The following PTPRN2 variants were observed in gnomAD, a reference collection of about 807,000 sequenced individuals.
The protein encoded by PTPRN2 is receptor-type tyrosine-protein phosphatase N2.
Under a neutral mutation model 118.8 loss-of-function variants are expected in PTPRN2, and 74 were observed. That is an observed-to-expected ratio of 0.62 (90% CI 0.52 to 0.76). The LOEUF is 0.76. PTPRN2 is among the 30% of genes least tolerant of loss of function. PTPRN2 has a pLI of 0.00. For synonymous variants in PTPRN2, 641 were observed against 608.0 expected, an observed-to-expected ratio of 1.05 and a Z score of -0.80; for missense variants, 1,481 against 1,394.4, an observed-to-expected ratio of 1.06 and a Z score of -0.99.
rs144855648 is a variant in PTPRN2, at chr7:157,603,436, C to T, written c.2418+566G>A. Among the ~76,000 whole-genome samples, 6 of 152,342 alleles carry T rather than the reference C, an allele frequency of 3.9e-5. No individual in the cohort carries two copies. The East Asian group carries it at 1.2e-3, about 29-fold the overall frequency. ...ACTCACGGCACAGGAGCTGCCACCACACTCGTCCCCAGAAACACAGGACAG... is the reference window on the plus strand; with the variant it reads ...ACTCACGGCACAGGAGCTGCCACCATACTCGTCCCCAGAAACACAGGACAG... On this transcript the variant is annotated intron_variant, in intron 16 of 22. Coordinates refer to ENST00000389418, the MANE Select transcript of PTPRN2 (RefSeq NM_002847.5). This position sits in a 1 kb window ranked among gnomAD's most constrained non-coding sequence, Gnocchi z 5.4.
rs993870860 is a variant in PTPRN2, at chr7:157,944,149, A to G, written c.1724-45412T>C. 5.9e-5 allele frequency among the ~76,000 whole-genome samples: 9 copies of G among 152,224 alleles called. No homozygotes were observed. The highest frequency in any genetic ancestry group is 3.8e-4 in the East Asian group (2 of 5,200). On this transcript the variant is annotated intron_variant, in intron 11 of 22. Transcript: ENST00000389418. The surrounding 1 kb of genome is among the most constrained non-coding windows in gnomAD (Gnocchi z 4.3). ...GACAGGCTCCAGATGCCCGGCCTTC[A>G]TGCAGCAAACACCTTCACAGGGAAG...
chr7:158,346,866 C>G (rs571708048), intron 2 of PTPRN2, among the ~76,000 whole-genome samples: 24 of 152,202 alleles, frequency 1.6e-4, no homozygotes, highest in Non-Finnish European at 2.6e-4. Flanking sequence ...AGTTGAGCAT[C>G]TTTTCACATA....
chr7:158,570,735 G>A lies in PTPRN2; in HGVS notation c.112+16823C>T, dbSNP rs1827979697. 1.3e-5 allele frequency among the ~76,000 whole-genome samples: 2 copies of A among 152,240 alleles called. No individual in the cohort carries two copies. The highest frequency in any genetic ancestry group is 2.9e-5 in the Non-Finnish European group (2 of 68,044). The stretch of plus-strand genomic sequence containing the variant: ...GCCGAGAGCCCGCGGAGAAGCTTGA[G>A]CCTGTGAGCCCCCGTCTCCGACCAC... On this transcript the variant is annotated intron_variant, in intron 1 of 22. Transcript: ENST00000389418. The surrounding 1 kb of genome is among the most constrained non-coding windows in gnomAD (Gnocchi z 4.5).
intron 12 of PTPRN2, among the ~76,000 whole-genome samples, chr7:157,767,279 C>T (rs910399418): frequency 2.0e-5 from 3 of 152,124 alleles, no homozygotes; most frequent in Non-Finnish European, 4.4e-5. Flanking sequence ...TCCTTGGACC[C>T]TACCAATTTA....
intron 12 of PTPRN2, among the ~76,000 whole-genome samples, chr7:157,858,077 A>G (rs10281179): frequency 0.18 from 14,898 of 83,362 alleles, 498 homozygotes; most frequent in East Asian, 0.28. Context: ...TGCAGGGAGA[A>G]CCCCGTCACC....
At chr7:158,069,758 G>A (rs1811064626) in intron 11 of PTPRN2, among the ~76,000 whole-genome samples, 1 of 152,212 alleles carries the variant, frequency 6.6e-6, no homozygotes, top group Non-Finnish European at 1.5e-5. Context: ...CCAGGCATTC[G>A]TGGGATGCCC....
At position 157,540,865 on chromosome 7, in the gene PTPRN2, T is replaced by C. The variant is rs187073194; in HGVS notation, c.2977-80A>G. The C allele has an allele frequency of 3.6e-3, 4,302 of 1,188,966 alleles. 156 individuals carry two copies. In the Admixed American group the frequency reaches 0.069, roughly 19 times the overall value. 73.7% of individuals were successfully genotyped at this position (1,188,966 alleles called of 1,614,324 possible). On this transcript the variant is annotated intron_variant, in intron 22 of 22. Transcript: ENST00000389418. ...TGCCACAGCGTCGGCTCCCTGCAGATGAAAGCGGCGTCCCCCCTTCCCAAC... is the reference window on the plus strand; with the variant it reads ...TGCCACAGCGTCGGCTCCCTGCAGACGAAAGCGGCGTCCCCCCTTCCCAAC...
intron 21 of PTPRN2, among the ~76,000 whole-genome samples, chr7:157,566,528 G>C (rs1191101163): frequency 6.6e-6 from 1 of 152,198 alleles, no homozygotes; most frequent in Non-Finnish European, 1.5e-5. Context: ...CCGGGTCAGG[G>C]AATTTCACAC....
intron 11 of PTPRN2, among the ~76,000 whole-genome samples, chr7:158,049,496 C>T (rs528381175): frequency 2.6e-4 from 40 of 152,328 alleles, no homozygotes; most frequent in Admixed American, 9.8e-4. Flanking sequence ...CTCACTCTTT[C>T]GGACTGACCC....
intron 2 of PTPRN2, among the ~76,000 whole-genome samples, chr7:158,416,163 T>C (rs898366812): frequency 6.6e-6 from 1 of 152,212 alleles, no homozygotes; most frequent in African/African-American, 2.4e-5. Context: ...CTGGGCCCCA[T>C]GCACTGGAGG....
At chr7:157,697,746 A>G in intron 12 of PTPRN2, among the ~76,000 whole-genome samples, 1 of 141,826 alleles carries the variant, frequency 7.1e-6, no homozygotes, top group Admixed American at 7.0e-5. Flanking sequence ...CAGAGCCCTC[A>G]CCGTCTACCC....
At chr7:158,059,746 C>T (rs556473568) in intron 11 of PTPRN2, among the ~76,000 whole-genome samples, 9 of 125,332 alleles carry the variant, frequency 7.2e-5, no homozygotes, top group African/African-American at 2.2e-4. Flanking sequence ...ACTGCAGCCA[C>T]ACTCCATCTG....
intron 11 of PTPRN2, among the ~76,000 whole-genome samples, chr7:158,037,019 A>G (rs951554742): frequency 6.6e-6 from 1 of 152,240 alleles, no homozygotes. Flanking sequence ...TATAACAAAT[A>G]TAAGATTCCT....
At chr7:158,364,908 G>A (rs1809314014) in intron 2 of PTPRN2, among the ~76,000 whole-genome samples, 1 of 152,230 alleles carries the variant, frequency 6.6e-6, no homozygotes, top group Admixed American at 6.5e-5. Context: ...ACCTGAGCAG[G>A]CAGCTAACAG....
intron 1 of PTPRN2, among the ~76,000 whole-genome samples, chr7:158,497,183 T>C (rs1192129150): frequency 3.5e-5 from 1 of 28,382 alleles, no homozygotes; most frequent in East Asian, 1.1e-3. Context: ...CCCTTCCCTG[T>C]ACCCCTTCCC....
chr7:158,103,006 C>A (rs1191923756), intron 10 of PTPRN2, among the ~76,000 whole-genome samples: 1 of 152,190 alleles, frequency 6.6e-6, no homozygotes, highest in Non-Finnish European at 1.5e-5. Context: ...CCATGGGGAA[C>A]CCCTCCTTCT....
chr7:158,336,729 T>C (rs1299187976), intron 2 of PTPRN2, among the ~76,000 whole-genome samples: 43 of 113,672 alleles, frequency 3.8e-4, no homozygotes, highest in African/African-American at 1.3e-3. Flanking sequence ...CCAAAAGAGC[T>C]GACGCCCGCA....
At chr7:158,024,510 G>T (rs958258518) in intron 11 of PTPRN2, among the ~76,000 whole-genome samples, 1 of 152,120 alleles carries the variant, frequency 6.6e-6, no homozygotes, top group Non-Finnish European at 1.5e-5. Flanking sequence ...GGGCACACAG[G>T]GCACCCGTGC....
At chr7:157,905,685 T>C (rs1369043276) in intron 11 of PTPRN2, among the ~76,000 whole-genome samples, 1 of 152,238 alleles carries the variant, frequency 6.6e-6, no homozygotes, top group African/African-American at 2.4e-5. Context: ...GCCTACTCTC[T>C]TTATCCTCGT....
Sources: gnomAD v4.1 joint callset for allele counts (sites outside exome capture counted in the v4.1 genomes callset) on GRCh38, gnomAD v4.1.1 for gene constraint, Gnocchi (gnomAD v3.1) non-coding constraint, MANE v1.5 for transcripts, NCBI Gene and HGNC (gene_info 2026-07-23, HGNC 2026-07-21) for gene names.